The following SNX25 variants were observed in gnomAD, a reference collection of about 807,000 sequenced individuals.
SNX25 encodes sorting nexin-25.
In SNX25, 62 loss-of-function variants were observed where a neutral mutation model predicts 113.7. The ratio of observed to expected loss-of-function variants is 0.55; its 90% CI spans 0.44 to 0.67. SNX25 has a LOEUF of 0.67. Among genes scored for constraint, SNX25 ranks in the 30% least tolerant of loss-of-function variants. SNX25 has a pLI of 0.00. For missense variants in SNX25, 1,014 were observed against 1,161.0 expected (o/e 0.87, Z 1.84); for synonymous variants, 421 against 436.2 (o/e 0.97, Z 0.43).
At chr4:185,252,039 AG>A (rs1275753882) in intron 2 of SNX25, among the ~76,000 whole-genome samples, 1 of 151,242 alleles carries the variant, frequency 6.6e-6, no homozygotes, top group Non-Finnish European at 1.5e-5. Context: ...AGTGGTTTTC[AG>A]GGAAAAGCTG....
chr4:185,331,614 C>G (rs897633600), intron 9 of SNX25, among the ~76,000 whole-genome samples: 1 of 152,080 alleles, frequency 6.6e-6, no homozygotes, highest in Non-Finnish European at 1.5e-5. Context: ...AACCCTGTCT[C>G]TACTAAAAAT....
chr4:185,245,514 T>G (rs757572175), intron 1 of SNX25, among the ~76,000 whole-genome samples: 15 of 152,032 alleles, frequency 9.9e-5, no homozygotes, highest in Non-Finnish European at 1.9e-4. Flanking sequence ...ATTTTTGTAT[T>G]TTTAGTAGAG....
At chr4:185,375,455 C>CAAAAAAAAAAA in the SNX25 span, among the ~76,000 whole-genome samples, 3 of 14,774 alleles carry the variant, frequency 2.0e-4, no homozygotes, top group Non-Finnish European at 2.4e-4. Context: ...GACTCCGTCT[C>CAAAAAAAAAAA]AAAAAAAAAA....
chr4:185,362,255 C>T (rs571743767), intron 17 of SNX25, 150 bp downstream of exon 17: 7 of 1,375,088 alleles, frequency 5.1e-6, no homozygotes, highest in Non-Finnish European at 6.6e-6. Flanking sequence ...TTGTCACTTG[C>T]TAAGAAGTTA....
At chr4:185,228,308 A>T (rs1741315262) in intron 1 of SNX25, among the ~76,000 whole-genome samples, 1 of 152,030 alleles carries the variant, frequency 6.6e-6, no homozygotes, top group South Asian at 2.1e-4. Flanking sequence ...CATCTCAGAG[A>T]TAGATTGTAA....
At position 185,221,787 on chromosome 4, in the gene SNX25, A is replaced by AT. The variant is rs1362627156; in HGVS notation, c.429+11534dup. Among the ~76,000 whole-genome samples the AT allele has an allele frequency of 7.0e-4, 60 of 85,238 alleles. 1 individual carries two copies. Among genetic ancestry groups the AT allele is most frequent in the Non-Finnish European group, 2.4e-4 (9 of 37,136 alleles). 55.9% of individuals were successfully genotyped at this position (85,238 alleles called of 152,430 possible). On this transcript the variant is annotated intron_variant, in intron 1 of 18. Transcript: ENST00000652585. ...TTTTCTGTCTGTAGGGACTTTATAT[A>AT]TTGTTCTCCTGCCTTGAGCATGCTG...
chr4:185,241,437 A>T (rs1370014321), intron 1 of SNX25, among the ~76,000 whole-genome samples: 1 of 136,410 alleles, frequency 7.3e-6, no homozygotes, highest in Non-Finnish European at 1.7e-5. Context: ...AGTACAGTCC[A>T]GCTTTGGCTC....
intron 15 of SNX25, among the ~76,000 whole-genome samples, chr4:185,355,780 T>C (rs1402508571): frequency 1.3e-5 from 2 of 152,244 alleles, no homozygotes; most frequent in African/African-American, 4.8e-5. Flanking sequence ...GACTCTTGTT[T>C]GGTGAAATGT....
Position 185,353,548 on chromosome 4 carries a change from G to A in SNX25, c.2530G>A (p.Ala844Thr), listed in dbSNP as rs371157657. Residue 844 changes from alanine to threonine, a missense_variant, in exon 15 of 19, where the codon GCC becomes ACC. By Grantham distance (58) the Ala-to-Thr change is moderately conservative. Transcript: ENST00000652585. ...TGATGATGTGGATGGGAGGAAAGAC[G>A]CCTTGGCTGAACCATGTTTCATGTT... ...YGDDVDGRKD[A>T]LAEPCFMLIG... 62 of 1,614,062 alleles carry A rather than the reference G, an allele frequency of 3.8e-5. No homozygotes were observed. Among genetic ancestry groups the A allele is most frequent in the South Asian group, 8.8e-5 (8 of 91,090 alleles).
At chr4:185,275,870 A>AT (rs1749599120) in intron 5 of SNX25, among the ~76,000 whole-genome samples, 1 of 152,226 alleles carries the variant, frequency 6.6e-6, no homozygotes, top group African/African-American at 2.4e-5. Context: ...ATCCTGGCAG[A>AT]TTTTTATGAA....
intron 1 of SNX25, among the ~76,000 whole-genome samples, chr4:185,228,860 T>A (rs1741401572): frequency 1.3e-5 from 2 of 152,232 alleles, no homozygotes; most frequent in African/African-American, 4.8e-5. Context: ...ATGAGAAAGC[T>A]ACTGTTATCC....
At chr4:185,376,891 A>C in the SNX25 span, 4 of 1,565,390 alleles carry the variant, frequency 2.6e-6, no homozygotes, top group African/African-American at 4.1e-5. Context: ...ATGAAAACGA[A>C]TAAACAAAAA....
chr4:185,298,716 TTC>T (rs1163475165), intron 6 of SNX25, among the ~76,000 whole-genome samples: 1 of 152,142 alleles, frequency 6.6e-6, no homozygotes, highest in Non-Finnish European at 1.5e-5. Context: ...TCTTTGCACA[TTC>T]TGTTTCTTCT....
At chr4:185,254,847 GAAGA>G (rs1746178326) in intron 2 of SNX25, among the ~76,000 whole-genome samples, 1 of 149,334 alleles carries the variant, frequency 6.7e-6, no homozygotes. Context: ...CATGCCTTTA[GAAGA>G]AAGATTTTTT....
At chr4:185,322,017 A>G (rs948938090) in intron 8 of SNX25, among the ~76,000 whole-genome samples, 2 of 152,232 alleles carry the variant, frequency 1.3e-5, no homozygotes, top group Non-Finnish European at 2.9e-5. Flanking sequence ...CTTAGAACCA[A>G]TCTTCCATAG....
chr4:185,223,271 T>TA (rs910316459), intron 1 of SNX25, among the ~76,000 whole-genome samples: 35 of 149,706 alleles, frequency 2.3e-4, no homozygotes, highest in South Asian at 6.4e-4. Flanking sequence ...CTTGTCTCTT[T>TA]AAAAAAAAAA....
chr4:185,213,604 G>A lies in SNX25; in HGVS notation c.429+3349G>A, dbSNP rs552751969. ...GTGGGTTGTCAGAGTGTGGTGTCCC[G>A]TGTCCAAGGTTGTCTTTCTATCTTC... On this transcript the variant is annotated intron_variant, in intron 1 of 18. Transcript: ENST00000652585. Among the ~76,000 whole-genome samples the A allele has an allele frequency of 2.6e-4, 40 of 152,236 alleles. 1 individual carries two copies. Among genetic ancestry groups the A allele is most frequent in the Admixed American group, 2.0e-3 (30 of 15,292 alleles).
intron 13 of SNX25, among the ~76,000 whole-genome samples, chr4:185,346,929 C>A (rs558407182): frequency 2.0e-4 from 30 of 152,344 alleles, no homozygotes; most frequent in Non-Finnish European, 4.0e-4. Context: ...TTCCTCCCAT[C>A]GCTGCAGCCC....
chr4:185,234,886 T>C lies in SNX25; in HGVS notation c.430-12408T>C, dbSNP rs1369545209. ...CTCAGAGAGGTGGACATGTTCATCA[T>C]AGCCCAGCAAGTTAATGGGGAATAA... On this transcript the variant is annotated intron_variant, in intron 1 of 18. Transcript: ENST00000652585. 2.0e-5 allele frequency among the ~76,000 whole-genome samples: 3 copies of C among 152,246 alleles called. No individual in the cohort carries two copies. The East Asian group carries it at 5.8e-4, about 29-fold the overall frequency.
Sources: allele counts gnomAD v4.1 joint callset (sites outside exome capture counted in the v4.1 genomes callset), GRCh38; gene constraint gnomAD v4.1.1; transcripts MANE v1.5; gene names NCBI Gene and HGNC (gene_info 2026-07-23, HGNC 2026-07-21).